DGKB: variants seen among roughly 807,000 people sequenced by gnomAD.
DGKB encodes the protein diacylglycerol kinase beta.
A neutral mutation model predicts 114.3 loss-of-function variants in DGKB; 67 were observed. That is an observed-to-expected ratio of 0.59 (90% CI 0.48 to 0.72). DGKB has a LOEUF of 0.72. DGKB is among the 30% of genes least tolerant of loss of function. The pLI, the probability that DGKB is intolerant of heterozygous loss-of-function variation, is 0.00. For missense variants in DGKB, 907 were observed against 975.2 expected (o/e 0.93, Z 0.93); for synonymous variants, 398 against 323.1 (o/e 1.23, Z -2.49).
At chr7:14,577,508 T>C (rs956869979) in intron 19 of DGKB, among the ~76,000 whole-genome samples, 1 of 151,922 alleles carries the variant, frequency 6.6e-6, no homozygotes, top group East Asian at 1.9e-4. Flanking sequence ...TACCAGCTAC[T>C]CGGGAGGCTG....
chr7:14,215,178 G>C (rs1377889119), intron 23 of DGKB, among the ~76,000 whole-genome samples: 1 of 152,134 alleles, frequency 6.6e-6, no homozygotes, highest in Non-Finnish European at 1.5e-5. Context: ...GATGTAGTGA[G>C]ATTTCTCATA....
rs112470708 is a variant in DGKB, at chr7:14,240,912, T to C, written c.2123-62761A>G. 1.7e-3 allele frequency among the ~76,000 whole-genome samples: 265 copies of C among 152,220 alleles called. 1 individual carries two copies. Among genetic ancestry groups the C allele is most frequent in the African/African-American group, 6.0e-3 (251 of 41,562 alleles). On this transcript the variant is annotated intron_variant, in intron 23 of 25. Coordinates refer to ENST00000402815, the MANE Select transcript of DGKB (RefSeq NM_001350709.2). ...CTCCTTATTGAATTTGTAGAATCTG[T>C]TTAGGTAATCACTAAGCCTTTAGAC...
intron 21 of DGKB, among the ~76,000 whole-genome samples, chr7:14,397,490 G>C (rs1822406224): frequency 6.6e-6 from 1 of 152,016 alleles, no homozygotes; most frequent in Non-Finnish European, 1.5e-5. Context: ...TTTTAAGATA[G>C]TAAAGATCAC....
intron 23 of DGKB, among the ~76,000 whole-genome samples, chr7:14,231,113 TTCTTTCTTTC>T (rs1490506583): frequency 1.5e-5 from 2 of 132,596 alleles, no homozygotes; most frequent in African/African-American, 5.4e-5. Context: ...CTTTCTTTCT[TTCTTTCTTTC>T]TTTCTTTCTT....
At chr7:14,847,942 A>G (rs1848860025) in intron 1 of DGKB, among the ~76,000 whole-genome samples, 1 of 152,240 alleles carries the variant, frequency 6.6e-6, no homozygotes, top group African/African-American at 2.4e-5. Context: ...GTAAAGGAGC[A>G]CATGATTAGA....
chr7:14,300,665 T>C (rs2128487478), intron 23 of DGKB, among the ~76,000 whole-genome samples: 1 of 152,252 alleles, frequency 6.6e-6, no homozygotes, highest in East Asian at 1.9e-4. Context: ...TTTAAAGACA[T>C]GCCACTTTTG....
At chr7:14,283,812 T>G (rs1208273630) in intron 23 of DGKB, among the ~76,000 whole-genome samples, 1 of 152,098 alleles carries the variant, frequency 6.6e-6, no homozygotes, top group Non-Finnish European at 1.5e-5. Flanking sequence ...GCTAGCCATA[T>G]GCAGAAAGCT....
At chr7:14,740,379 G>T (rs533758126) in intron 4 of DGKB, among the ~76,000 whole-genome samples, 5 of 152,044 alleles carry the variant, frequency 3.3e-5, no homozygotes, top group Non-Finnish European at 7.4e-5. Context: ...AGTACAGGGG[G>T]CTTCTCAATG....
intron 21 of DGKB, among the ~76,000 whole-genome samples, chr7:14,428,530 C>T (rs1056178447): frequency 6.6e-6 from 1 of 152,076 alleles, no homozygotes; most frequent in Non-Finnish European, 1.5e-5. Context: ...CTTTTCTCAG[C>T]CTGCTCCTTC....
At chr7:14,600,386 C>T (rs1178968911) in intron 17 of DGKB, among the ~76,000 whole-genome samples, 1 of 152,128 alleles carries the variant, frequency 6.6e-6, no homozygotes, top group African/African-American at 2.4e-5. Flanking sequence ...CCTCTGCTCT[C>T]CCAAAATTTA....
Position 14,260,693 on chromosome 7 carries a change from A to ACTT in DGKB, c.2122+77819_2122+77821dup, listed in dbSNP as rs566968837. On this transcript the variant is annotated intron_variant, in intron 23 of 25. Coordinates refer to ENST00000402815, the MANE Select transcript of DGKB (RefSeq NM_001350709.2). The stretch of plus-strand genomic sequence containing the variant: ...CTTATTAAAGTTCAGGCAACAAGGC[A>ACTT]CTTTTAGTTAATTTTAGCAACCCTT... Among the ~76,000 whole-genome samples the ACTT allele has an allele frequency of 7.9e-5, 12 of 152,334 alleles. No homozygotes were observed. In the South Asian group the frequency reaches 1.9e-3, roughly 24 times the overall value.
At chr7:14,500,459 C>T (rs7780462) in intron 20 of DGKB, among the ~76,000 whole-genome samples, 3,577 of 147,510 alleles carry the variant, frequency 0.024, 131 homozygotes, top group African/African-American at 0.086. Flanking sequence ...ATGAACCAAA[C>T]TAAAAAGTTT....
At chr7:14,926,428 C>A (rs1284011729) in intron 1 of DGKB, among the ~76,000 whole-genome samples, 2 of 150,988 alleles carry the variant, frequency 1.3e-5, no homozygotes, top group Admixed American at 1.3e-4. Flanking sequence ...AGACAGCTAG[C>A]CTACTTTTTT....
In DGKB at chr7:14,426,448, G is replaced by T. The variant is rs139738948; in HGVS notation, c.1835+51713C>A. Among the ~76,000 whole-genome samples the T allele has an allele frequency of 5.6e-3, 845 of 152,242 alleles. 6 individuals carry two copies. Among genetic ancestry groups the T allele is most frequent in the African/African-American group, 0.019 (785 of 41,528 alleles). On this transcript the variant is annotated intron_variant, in intron 21 of 25. Coordinates refer to ENST00000402815, the MANE Select transcript of DGKB (RefSeq NM_001350709.2). ...ATGTTTGCTGAATGGATGCATGAAT[G>T]GATGGAGTGGCTTCATAGCACAATA...
At chr7:14,595,071 G>A (rs184674787) in intron 17 of DGKB, among the ~76,000 whole-genome samples, 1 of 152,182 alleles carries the variant, frequency 6.6e-6, no homozygotes, top group African/African-American at 2.4e-5. Flanking sequence ...ATGTGGACTA[G>A]GTAGGGATGA....
intron 2 of DGKB, among the ~76,000 whole-genome samples, chr7:14,837,725 A>G (rs1194215196): frequency 2.0e-5 from 3 of 152,170 alleles, no homozygotes; most frequent in Non-Finnish European, 4.4e-5. Context: ...CGATAAACTG[A>G]TCATGCATAT....
chr7:14,228,907 T>TGTGTGTGTGTGTGTGTGTGTG (rs774888930), intron 23 of DGKB, among the ~76,000 whole-genome samples: 1 of 151,458 alleles, frequency 6.6e-6, no homozygotes, highest in African/African-American at 2.4e-5. Flanking sequence ...TGTGTGTGTG[T>TGTGTGTGTGTGTGTGTGTGTG]TCAAAAATAA....
intron 23 of DGKB, among the ~76,000 whole-genome samples, chr7:14,183,749 C>G (rs538886839): frequency 6.6e-6 from 1 of 152,300 alleles, no homozygotes; most frequent in Non-Finnish European, 1.5e-5. Context: ...ACTGTGACAA[C>G]AGTAAGAACT....
intron 5 of DGKB, among the ~76,000 whole-genome samples, chr7:14,724,513 C>T (rs1829728409): frequency 6.6e-6 from 1 of 152,002 alleles, no homozygotes. Context: ...TCTCTGAGAA[C>T]ATACTCTGGT....
Sources: allele counts gnomAD v4.1 joint callset (sites outside exome capture counted in the v4.1 genomes callset), GRCh38; gene constraint gnomAD v4.1.1; transcripts MANE v1.5; gene names NCBI Gene and HGNC (gene_info 2026-07-23, HGNC 2026-07-21).